The following SPEN variants were observed in gnomAD, a reference collection of about 807,000 sequenced individuals.
SPEN encodes the protein msx2-interacting protein.
In SPEN, 18 loss-of-function variants were observed where a neutral mutation model predicts 269.9. The ratio of observed to expected loss-of-function variants is 0.07; its 90% confidence interval spans 0.05 to 0.10. The LOEUF is 0.10. Ranked by LOEUF, SPEN falls within the 10% of genes least tolerant of loss-of-function variation. The probability of loss-of-function intolerance (pLI) is 1.00; values close to 1 mark genes in which losing one functional copy is unlikely to be tolerated. For synonymous variants in SPEN, 1,726 were observed against 1,765.7 expected (o/e 0.98, Z 0.56); for missense variants, 3,822 against 4,631.2 (o/e 0.83, Z 5.07).
intron 1 of SPEN, among the ~76,000 whole-genome samples, chr1:15,850,790 A>G (rs10927867): frequency 0.32 from 49,055 of 152,128 alleles, 9,922 homozygotes; most frequent in East Asian, 0.69. Flanking sequence ...ATGGCTCTGC[A>G]AGAAAATGAA....
chr1:15,910,420 G>T lies in SPEN; in HGVS notation c.1043-681G>T, dbSNP rs369624222. ...TCTCACACAATTTTATCATTGAGATGATCCTTGGAAAGATAGACGATGCCT... is the reference window on the plus strand; with the variant it reads ...TCTCACACAATTTTATCATTGAGATTATCCTTGGAAAGATAGACGATGCCT... On this transcript the variant is annotated intron_variant, in intron 4 of 14. Transcript: ENST00000375759. Among the ~76,000 whole-genome samples the T allele has an allele frequency of 3.6e-4, 55 of 152,140 alleles. 1 individual carries two copies. In the South Asian group the frequency reaches 0.011, roughly 31 times the overall value.
rs562095927 is a variant in SPEN, at chr1:15,863,036, C to T, written c.84-9780C>T. Among the ~76,000 whole-genome samples the T allele has an allele frequency of 4.6e-5, 7 of 152,224 alleles. No individual in the cohort carries two copies. In the South Asian group the frequency reaches 1.5e-3, roughly 32 times the overall value. ...TCAGCCTCCCAAAGTGGTAGGATTA[C>T]AGGTGTGAGCCACCGCTCCCGGCCG... On this transcript the variant is annotated intron_variant, in intron 1 of 14. Transcript: ENST00000375759.
chr1:15,924,410 T>C (rs1376241439), intron 10 of SPEN, among the ~76,000 whole-genome samples: 2 of 152,224 alleles, frequency 1.3e-5, no homozygotes, highest in African/African-American at 4.8e-5. Flanking sequence ...GTGTGAGGGT[T>C]GAATAATGTA....
chr1:15,853,756 C>T (rs536776829), intron 1 of SPEN, among the ~76,000 whole-genome samples: 1 of 152,120 alleles, frequency 6.6e-6, no homozygotes, highest in Non-Finnish European at 1.5e-5. Context: ...GCAACCTCTG[C>T]CTTCCCGGTT....
chr1:15,903,699 T>TG (rs2070925156), intron 3 of SPEN, among the ~76,000 whole-genome samples: 1 of 152,186 alleles, frequency 6.6e-6, no homozygotes, highest in Non-Finnish European at 1.5e-5. Flanking sequence ...TGCCATGTCA[T>TG]GTGCATGCTG....
intron 1 of SPEN, among the ~76,000 whole-genome samples, chr1:15,858,436 G>T (rs1017086005): frequency 6.6e-6 from 1 of 152,052 alleles, no homozygotes; most frequent in Non-Finnish European, 1.5e-5. Flanking sequence ...TATTGCCACC[G>T]TGTAGTCCTC....
intron 3 of SPEN, among the ~76,000 whole-genome samples, chr1:15,889,079 A>G (rs1020426669): frequency 2.0e-5 from 3 of 152,128 alleles, no homozygotes; most frequent in Non-Finnish European, 4.4e-5. Flanking sequence ...CCAAACAAGG[A>G]ATCATGCGTG....
chr1:15,926,822 A>G (rs1451026975), intron 10 of SPEN, among the ~76,000 whole-genome samples: 1 of 151,584 alleles, frequency 6.6e-6, no homozygotes, highest in African/African-American at 2.4e-5. Flanking sequence ...CCTCCCGAGT[A>G]CCTGGGACTA....
At chr1:15,915,393 G>T (rs1251047268) in intron 5 of SPEN, among the ~76,000 whole-genome samples, 13 of 152,150 alleles carry the variant, frequency 8.5e-5, no homozygotes, top group Non-Finnish European at 7.4e-5. Context: ...GGAGGCTGAG[G>T]TTGGAGGATT....
chr1:15,884,036 T>G (rs1352863449), intron 3 of SPEN, among the ~76,000 whole-genome samples: 1 of 152,112 alleles, frequency 6.6e-6, no homozygotes, highest in East Asian at 1.9e-4. Context: ...GGTCTCGATC[T>G]CCTGACCTTG....
At chr1:15,919,197 A>G in intron 7 of SPEN, 146 bp downstream of exon 7, 3 of 765,492 alleles carry the variant, frequency 3.9e-6, no homozygotes, top group Non-Finnish European at 6.1e-6. Flanking sequence ...TTGCATTCCT[A>G]TCCTATTATA....
Position 15,933,551 on chromosome 1 carries a change from A to G in SPEN, c.7311A>G (p.Pro2437=), listed in dbSNP as rs1185780212. 1 of 1,613,962 alleles carries G rather than the reference A, an allele frequency of 6.2e-7. No individual in the cohort carries two copies. Among genetic ancestry groups the G allele is most frequent in the South Asian group, 1.1e-5 (1 of 91,064 alleles). ...VPPDLPPPPQ[P]APVDEEPQAR... is the part of the protein sequence containing the mutation. ...CAGACCTTCCCCCACCTCCCCAGCC[A>G]GCACCGGTGGATGAGGAGCCTCAAG... is the stretch of plus-strand genomic sequence containing the variant. The change falls in exon 11 of 15, where the codon CCA becomes CCG. Residue 2437 remains proline (P), a synonymous_variant. Transcript: ENST00000375759. The surrounding 1 kb of genome is among the most constrained non-coding windows in gnomAD (Gnocchi z 5.7).
At chr1:15,905,783 C>T (rs1242836291) in intron 3 of SPEN, among the ~76,000 whole-genome samples, 1 of 151,582 alleles carries the variant, frequency 6.6e-6, no homozygotes. Context: ...CCATGTTGGC[C>T]AGGATGGTCT....
At chr1:15,870,773 T>C (rs2070565255) in intron 1 of SPEN, among the ~76,000 whole-genome samples, 1 of 152,228 alleles carries the variant, frequency 6.6e-6, no homozygotes. Context: ...AGAGAATTCC[T>C]TGGATTTTAG....
intron 11 of SPEN, among the ~76,000 whole-genome samples, chr1:15,936,495 A>G (rs1288679728): frequency 6.6e-6 from 1 of 151,942 alleles, no homozygotes; most frequent in Non-Finnish European, 1.5e-5. Flanking sequence ...AAAAAATTAC[A>G]AAAATTAGCC....
At chr1:15,893,499 T>G (rs2070809428) in intron 3 of SPEN, among the ~76,000 whole-genome samples, 1 of 152,126 alleles carries the variant, frequency 6.6e-6, no homozygotes, top group Non-Finnish European at 1.5e-5. Flanking sequence ...TCGTAGTCAT[T>G]TATAAATAAA....
chr1:15,894,536 GT>G (rs766111268), intron 3 of SPEN, among the ~76,000 whole-genome samples: 700 of 100,404 alleles, frequency 7.0e-3, no homozygotes, highest in South Asian at 0.022. Context: ...TATTATGGTT[GT>G]TTTTTTTTTT....
At chr1:15,880,133 A>T (rs1329433476) in intron 3 of SPEN, among the ~76,000 whole-genome samples, 1 of 152,150 alleles carries the variant, frequency 6.6e-6, no homozygotes, top group Admixed American at 6.5e-5. Flanking sequence ...AGTAAGGCAT[A>T]CTGAAATCTG....
chr1:15,892,717 G>GA (rs1248349988), intron 3 of SPEN, among the ~76,000 whole-genome samples: 1 of 152,138 alleles, frequency 6.6e-6, no homozygotes, highest in East Asian at 1.9e-4. Flanking sequence ...TCCAGGCTTA[G>GA]AAATATGTTA....
Sources: gnomAD v4.1 joint callset for allele counts (sites outside exome capture counted in the v4.1 genomes callset) on GRCh38, gnomAD v4.1.1 for gene constraint, Gnocchi (gnomAD v3.1) non-coding constraint, MANE v1.5 for transcripts, NCBI Gene and HGNC (gene_info 2026-07-23, HGNC 2026-07-21) for gene names.